MGAT4C: variants seen among roughly 807,000 people sequenced by gnomAD.
MGAT4C encodes the protein alpha-1,3-mannosyl-glycoprotein 4-beta-N-acetylglucosaminyltransferase C.
A neutral mutation model predicts 40.1 loss-of-function variants in MGAT4C; 19 were observed. The ratio of observed to expected loss-of-function variants is 0.47; its 90% CI spans 0.33 to 0.70. The LOEUF is 0.70. Among genes scored for constraint, MGAT4C ranks in the 30% least tolerant of loss-of-function variants. MGAT4C has a pLI of 0.02. For synonymous variants in MGAT4C, 181 were observed against 187.1 expected, an observed-to-expected ratio of 0.97 and a Z score of 0.27; for missense variants, 491 against 563.2, an observed-to-expected ratio of 0.87 and a Z score of 1.30.
chr12:86,041,286 A>AT (rs887926258), intron 2 of MGAT4C, among the ~76,000 whole-genome samples: 19 of 150,412 alleles, frequency 1.3e-4, no homozygotes, highest in East Asian at 2.0e-4. Flanking sequence ...AATTTTGTTG[A>AT]TTTTTTTTTA....
chr12:86,297,624 C>T (rs778503436), intron 4 of MGAT4C, among the ~76,000 whole-genome samples: 2 of 152,066 alleles, frequency 1.3e-5, no homozygotes, highest in African/African-American at 2.4e-5. Context: ...CATTGAAAAA[C>T]TCTAAGAAAC....
rs535286107 is a variant in MGAT4C, at chr12:86,202,477, C to T, written c.-57+53762G>A. Among the ~76,000 whole-genome samples, 49 of 151,990 alleles carry T rather than the reference C, an allele frequency of 3.2e-4. 1 individual carries two copies. Among genetic ancestry groups the T allele is most frequent in the African/African-American group, 7.5e-4 (31 of 41,520 alleles). ...ATTATAATTTATACTTATTATTGGA[C>T]GCAATTTGCAAATATTTTCTTTAAA... On this transcript the variant is annotated intron_variant, in intron 1 of 4. Coordinates refer to ENST00000611864, the MANE Select transcript of MGAT4C (RefSeq NM_001351288.2).
At chr12:86,205,015 G>A (rs1950196964) in intron 1 of MGAT4C, among the ~76,000 whole-genome samples, 1 of 151,848 alleles carries the variant, frequency 6.6e-6, no homozygotes, top group African/African-American at 2.4e-5. Context: ...ATGGCACAGA[G>A]AAAAATGTTG....
Position 85,973,672 on chromosome 12 carries a change from T to C in MGAT4C, c.*5617A>G, listed in dbSNP as rs1883747915. On this transcript the variant is annotated 3_prime_UTR_variant, in exon 5 of 5. Coordinates refer to ENST00000611864, the MANE Select transcript of MGAT4C (RefSeq NM_001351288.2). ...AAATTTGATCATGCTATATTCTTAA[T>C]TTAATTGTACTTCTATGGTCATATA... The C allele has an allele frequency of 6.6e-6, 1 of 150,908 alleles. No individual in the cohort carries two copies. The highest frequency in any genetic ancestry group is 6.6e-5 in the Admixed American group (1 of 15,086). The allele number at this position is 150,908 out of a possible 1,614,324, so 9.3% of individuals were successfully genotyped here. A position where few individuals can be genotyped will look rare whatever the true frequency, so the allele number is the denominator to read the frequency against.
At chr12:86,125,796 A>G (rs1880141034) in intron 1 of MGAT4C, among the ~76,000 whole-genome samples, 1 of 152,178 alleles carries the variant, frequency 6.6e-6, no homozygotes. Context: ...AGAAAAAGTA[A>G]TATCAAATTT....
intron 2 of MGAT4C, among the ~76,000 whole-genome samples, chr12:86,675,645 T>C (rs1276375191): frequency 6.6e-6 from 1 of 152,230 alleles, no homozygotes; most frequent in Non-Finnish European, 1.5e-5. Context: ...AATGGGGCTT[T>C]GCCACTGATC....
chr12:86,472,073 A>G (rs2136304623), intron 2 of MGAT4C, among the ~76,000 whole-genome samples: 1 of 152,238 alleles, frequency 6.6e-6, no homozygotes, highest in East Asian at 1.9e-4. Flanking sequence ...TGCATACTTT[A>G]CCTCTTCGTA....
chr12:86,521,071 A>T (rs551340834), intron 2 of MGAT4C, among the ~76,000 whole-genome samples: 41 of 152,090 alleles, frequency 2.7e-4, no homozygotes, highest in African/African-American at 9.9e-4. Flanking sequence ...CTCTTTAGTT[A>T]AATTAGATCC....
intron 2 of MGAT4C, among the ~76,000 whole-genome samples, chr12:86,556,940 A>T (rs909463135): frequency 6.6e-6 from 1 of 152,140 alleles, no homozygotes; most frequent in African/African-American, 2.4e-5. Context: ...TATTTTTTTA[A>T]GAAGAAAGCT....
chr12:86,029,467 A>G (rs1316133295), intron 2 of MGAT4C, among the ~76,000 whole-genome samples: 2 of 151,972 alleles, frequency 1.3e-5, no homozygotes, highest in Non-Finnish European at 2.9e-5. Flanking sequence ...CCAGCAGAGT[A>G]AAATCTTTTT....
At chr12:86,327,018 T>C (rs1954544327) in intron 4 of MGAT4C, among the ~76,000 whole-genome samples, 1 of 152,208 alleles carries the variant, frequency 6.6e-6, no homozygotes, top group African/African-American at 2.4e-5. Flanking sequence ...TCTAAAACTT[T>C]TCCCTACAAT....
At chr12:86,234,681 T>C (rs537882469) in intron 1 of MGAT4C, among the ~76,000 whole-genome samples, 1 of 152,224 alleles carries the variant, frequency 6.6e-6, no homozygotes, top group South Asian at 2.1e-4. Flanking sequence ...CCTCTCTTTT[T>C]TCCCTTCACA....
chr12:86,241,245 G>A (rs1025325693), intron 1 of MGAT4C, among the ~76,000 whole-genome samples: 1 of 152,120 alleles, frequency 6.6e-6, no homozygotes, highest in Non-Finnish European at 1.5e-5. Flanking sequence ...TCCTTGGAAA[G>A]TCACTTTATG....
chr12:86,134,681 T>C (rs936457022), intron 1 of MGAT4C, among the ~76,000 whole-genome samples: 12 of 152,146 alleles, frequency 7.9e-5, no homozygotes, highest in African/African-American at 1.7e-4. Context: ...CTGAGTGTTA[T>C]AGATATTAAT....
chr12:86,569,261 G>A (rs750481218), intron 2 of MGAT4C, among the ~76,000 whole-genome samples: 3 of 151,994 alleles, frequency 2.0e-5, no homozygotes, highest in Non-Finnish European at 1.5e-5. Flanking sequence ...GGTTGAATGG[G>A]AGAAAATATT....
chr12:86,571,372 AT>A (rs944806817), intron 2 of MGAT4C, among the ~76,000 whole-genome samples: 1 of 152,124 alleles, frequency 6.6e-6, no homozygotes, highest in African/African-American at 2.4e-5. Flanking sequence ...TGTCAGCAGT[AT>A]ACTATATATA....
intron 1 of MGAT4C, among the ~76,000 whole-genome samples, chr12:86,732,432 C>T (rs1280009574): frequency 6.6e-6 from 1 of 152,064 alleles, no homozygotes; most frequent in Admixed American, 6.6e-5. Context: ...TTATGTAACT[C>T]ACCATAATGT....
At chr12:86,718,101 T>C (rs561857699) in intron 2 of MGAT4C, among the ~76,000 whole-genome samples, 16 of 152,278 alleles carry the variant, frequency 1.1e-4, no homozygotes, top group African/African-American at 3.1e-4. Flanking sequence ...TGCTGTTAAA[T>C]AGCCTACAAT....
intron 2 of MGAT4C, among the ~76,000 whole-genome samples, chr12:86,475,537 T>C (rs1021643752): frequency 2.0e-5 from 3 of 151,986 alleles, no homozygotes; most frequent in Non-Finnish European, 4.4e-5. Flanking sequence ...AAAGATTTTA[T>C]GAAAAAAGCC....
Sources: gnomAD v4.1 joint callset for allele counts (sites outside exome capture counted in the v4.1 genomes callset) on GRCh38, gnomAD v4.1.1 for gene constraint, MANE v1.5 for transcripts, NCBI Gene and HGNC (gene_info 2026-07-23, HGNC 2026-07-21) for gene names.